Variants in FYB1 observed in about 807,000 individuals in gnomAD.
FYB1 encodes FYN-binding protein 1.
Under a neutral mutation model 94.1 loss-of-function variants are expected in FYB1, and 41 were observed. That is an observed-to-expected ratio of 0.44 (90% CI 0.34 to 0.57). FYB1 has a LOEUF of 0.57. Ranked by LOEUF, FYB1 falls within the 20% of genes least tolerant of loss-of-function variation. The probability of loss-of-function intolerance (pLI) is 0.02; values close to 1 mark genes in which losing one functional copy is unlikely to be tolerated. For synonymous variants in FYB1, 367 were observed against 353.2 expected, an observed-to-expected ratio of 1.04 and a Z score of -0.44; for missense variants, 1,050 against 976.8, an observed-to-expected ratio of 1.07 and a Z score of -1.00.
chr5:39,246,410 T>C (rs1430492752), intron 1 of FYB1, among the ~76,000 whole-genome samples: 1 of 152,226 alleles, frequency 6.6e-6, no homozygotes, highest in Non-Finnish European at 1.5e-5. Flanking sequence ...AGCTTGGAGT[T>C]ATTGCCAACC....
rs144999920 is a variant in FYB1, at chr5:39,202,191, A to G, written c.770T>C (p.Leu257Ser). The G allele has an allele frequency of 8.7e-6, 14 of 1,614,002 alleles. No homozygotes were observed. Among genetic ancestry groups the G allele is most frequent in the Middle Eastern group, 1.7e-4 (1 of 6,060 alleles). ...TTTCAAAACCACTCCAGGAAAGGGC[A>G]AACTTGAAATCTCCCCTGCATGGTC... is the stretch of plus-strand genomic sequence containing the variant. The part of the protein sequence containing the change: ...NKDHAGEISS[L>S]PFPGVVLKPA... The change falls in exon 2 of 19, where the codon TTG (leucine) becomes TCG (serine). Residue 257 changes from leucine (L) to serine (S), a missense_variant. Transcript: ENST00000512982.
chr5:39,156,644 G>A (rs10941419), intron 2 of FYB1, among the ~76,000 whole-genome samples: 105,215 of 152,022 alleles, frequency 0.69, 40,587 homozygotes, highest in Non-Finnish European at 0.86. Context: ...TTTGCAAAAC[G>A]GGTGGTCACT....
intron 1 of FYB1, among the ~76,000 whole-genome samples, chr5:39,253,405 C>G (rs1751806959): frequency 6.6e-6 from 1 of 152,144 alleles, no homozygotes; most frequent in Non-Finnish European, 1.5e-5. Context: ...CTCTCCTGCT[C>G]TTCAGAGACT....
chr5:39,180,367 A>G (rs1746114270), intron 2 of FYB1, among the ~76,000 whole-genome samples: 1 of 152,086 alleles, frequency 6.6e-6, no homozygotes, highest in African/African-American at 2.4e-5. Context: ...GCCCTTCACC[A>G]GCGCTTAATT....
chr5:39,141,426 A>T (rs1742175479), intron 3 of FYB1, among the ~76,000 whole-genome samples: 1 of 152,186 alleles, frequency 6.6e-6, no homozygotes, highest in Admixed American at 6.5e-5. Flanking sequence ...TTATATTAGT[A>T]GTAAATCAAC....
At chr5:39,167,696 G>A (rs1744865879) in intron 2 of FYB1, among the ~76,000 whole-genome samples, 1 of 152,142 alleles carries the variant, frequency 6.6e-6, no homozygotes. Context: ...GTGGTGGGGG[G>A]AAGTGTTCTA....
Position 39,257,366 on chromosome 5 carries a change from A to G in FYB1, c.-28+17037T>C, listed in dbSNP as rs149019163. On this transcript the variant is annotated intron_variant, in intron 1 of 1. Transcript: ENST00000510188. ...GAAATACCCTTTAAATACTTTTTAA[A>G]AAGTCTCTCTTCCCAAGATACTTAT... 1.6e-3 allele frequency among the ~76,000 whole-genome samples: 248 copies of G among 152,302 alleles called. 2 individuals carry two copies. Among genetic ancestry groups the G allele is most frequent in the African/African-American group, 5.5e-3 (227 of 41,566 alleles).
chr5:39,110,827 C>A, intron 16 of FYB1: 1 of 365,576 alleles, frequency 2.7e-6, no homozygotes, highest in South Asian at 2.1e-5. Flanking sequence ...TTATATTGAG[C>A]AGAGAGAGAA....
chr5:39,139,161 C>T (rs762195666), intron 5 of FYB1, 72 bp downstream of exon 5: 32 of 1,322,070 alleles, frequency 2.4e-5, no homozygotes, highest in South Asian at 4.4e-5. Context: ...TGTACCAATA[C>T]GGAGTGAATC....
At chr5:39,153,348 C>A in intron 3 of FYB1, 100 bp downstream of exon 3, 1 of 1,458,450 alleles carries the variant, frequency 6.9e-7, no homozygotes, top group Middle Eastern at 1.8e-4. Context: ...TTTTGTAGAC[C>A]CAGAAGTTTC....
intron 1 of FYB1, among the ~76,000 whole-genome samples, chr5:39,242,296 C>A (rs549026699): frequency 1.1e-4 from 16 of 142,400 alleles, no homozygotes; most frequent in African/African-American, 3.7e-4. Context: ...CCCCTCCCCC[C>A]ACGCCACGAC....
chr5:39,236,089 G>A (rs1213896678), intron 1 of FYB1, among the ~76,000 whole-genome samples: 1 of 151,812 alleles, frequency 6.6e-6, no homozygotes, highest in East Asian at 1.9e-4. Flanking sequence ...AAACCTCTCA[G>A]ATACTAGATA....
chr5:39,244,403 G>C (rs1348330354), intron 1 of FYB1, among the ~76,000 whole-genome samples: 3 of 152,058 alleles, frequency 2.0e-5, no homozygotes, highest in African/African-American at 7.3e-5. Context: ...AGATAATCAT[G>C]TTTTTTGTCT....
intron 1 of FYB1, among the ~76,000 whole-genome samples, chr5:39,268,274 T>C (rs1752518772): frequency 6.6e-6 from 1 of 151,320 alleles, no homozygotes; most frequent in African/African-American, 2.4e-5. Context: ...GTTGCCTGGG[T>C]TGGAGTGTGG....
rs376444038 is a variant in FYB1, at chr5:39,201,953, G to A, written c.1008C>T (p.Asp336=). The change falls in exon 2 of 19, where the codon GAC becomes GAT. Residue 336 remains aspartate, a synonymous_variant. Transcript: ENST00000512982. ...WGQSQEKEKG[D]KNSATPKQKP... Reference sequence around the variant, plus strand: ...TCTGTTTCGGGGTGGCTGAATTCTTGTCTCCCTTTTCCTTTTCCTGACTTT... The same window carrying A: ...TCTGTTTCGGGGTGGCTGAATTCTTATCTCCCTTTTCCTTTTCCTGACTTT... 33 of 1,613,852 alleles carry A rather than the reference G, an allele frequency of 2.0e-5. 1 individual carries two copies. Among genetic ancestry groups the A allele is most frequent in the Non-Finnish European group, 2.6e-5 (31 of 1,179,894 alleles).
At chr5:39,268,240 CTT>C (rs112656513) in intron 1 of FYB1, among the ~76,000 whole-genome samples, 41 of 140,826 alleles carry the variant, frequency 2.9e-4, no homozygotes, top group Non-Finnish European at 2.2e-4. Flanking sequence ...TTCTTTTTTT[CTT>C]TTTTTTTTTT....
chr5:39,162,989 T>G (rs1744397024), intron 2 of FYB1, among the ~76,000 whole-genome samples: 1 of 152,226 alleles, frequency 6.6e-6, no homozygotes, highest in African/African-American at 2.4e-5. Context: ...TTCTCTTTTA[T>G]GATTGGTATT....
rs574313925 is a variant in FYB1, at chr5:39,170,551, TCTC to T, written c.1136-16950_1136-16948del. ...CTCATTCTAGATTCATCCATTTCTT[TCTC>T]CTCCATTTGACCTCCCTTGTGCAAA... On this transcript the variant is annotated intron_variant, in intron 2 of 18. Coordinates refer to ENST00000512982, the MANE Select transcript of FYB1 (RefSeq NM_001465.6). Among the ~76,000 whole-genome samples the T allele has an allele frequency of 6.6e-4, 101 of 152,258 alleles. 2 individuals carry two copies. The South Asian group carries it at 0.013, about 20-fold the overall frequency.
At chr5:39,110,105 T>C (rs947556380) in intron 17 of FYB1, among the ~76,000 whole-genome samples, 1 of 152,130 alleles carries the variant, frequency 6.6e-6, no homozygotes, top group African/African-American at 2.4e-5. Flanking sequence ...AATGAATATA[T>C]AAAACTATTA....
Sources: gnomAD v4.1 joint callset for allele counts (sites outside exome capture counted in the v4.1 genomes callset) on GRCh38, gnomAD v4.1.1 for gene constraint, MANE v1.5 for transcripts, NCBI Gene and HGNC (gene_info 2026-07-23, HGNC 2026-07-21) for gene names.